RBFOX1: variants seen among roughly 807,000 people sequenced by gnomAD.
RBFOX1 encodes the protein RNA binding protein fox-1 homolog 1.
A neutral mutation model predicts 57.7 loss-of-function variants in RBFOX1; 8 were observed. The ratio of observed to expected loss-of-function variants is 0.14; its 90% CI spans 0.08 to 0.25. The LOEUF is 0.25. Among genes scored for constraint, RBFOX1 ranks in the 10% least tolerant of loss-of-function variants. The probability of loss-of-function intolerance (pLI) is 1.00; values close to 1 mark genes in which losing one functional copy is unlikely to be tolerated. For missense variants in RBFOX1, 611 were observed against 548.5 expected (o/e 1.11, Z -1.14); for synonymous variants, 326 against 222.4 (o/e 1.47, Z -4.15).
At chr16:6,534,600 G>T (rs1473084763) in intron 2 of RBFOX1, among the ~76,000 whole-genome samples, 1 of 152,008 alleles carries the variant, frequency 6.6e-6, no homozygotes, top group Non-Finnish European at 1.5e-5. Context: ...ATTGATACCC[G>T]GGTGATTTAC....
rs79021013 is a variant in RBFOX1 at position 6,765,433 on chromosome 16, C to G, written c.-16+110783C>G. 2.2e-3 allele frequency among the ~76,000 whole-genome samples: 329 copies of G among 152,192 alleles called. 12 individuals carry two copies. In the East Asian group the frequency reaches 0.049, roughly 23 times the overall value. On this transcript the variant is annotated intron_variant, in intron 3 of 15. Coordinates refer to ENST00000550418, the MANE Select transcript of RBFOX1 (RefSeq NM_018723.4). The stretch of plus-strand genomic sequence containing the variant: ...GGAAAAATAACTGTTGAGTATTAGA[C>G]TGAATACCTGGGCAATGAAATAATC...
chr16:7,710,805 T>G lies in RBFOX1; in HGVS notation c.*60T>G. The stretch of plus-strand genomic sequence containing the variant: ...GAAAGGAAGCTTTCCGAGGCCTGAG[T>G]ATTGCAATACATGCAGTAGTACATC... On this transcript the variant is annotated 3_prime_UTR_variant, in exon 16 of 16. Transcript: ENST00000550418. The G allele has an allele frequency of 7.1e-7, 1 of 1,406,544 alleles. No homozygotes were observed. The highest frequency in any genetic ancestry group is 1.5e-5 in the South Asian group (1 of 64,950). The allele number at this position is 1,406,544 out of a possible 1,614,324, so 87.1% of individuals were successfully genotyped here.
chr16:6,071,394 A>G (rs190228635), intron 1 of RBFOX1, among the ~76,000 whole-genome samples: 2 of 152,336 alleles, frequency 1.3e-5, no homozygotes, highest in African/African-American at 2.4e-5. Context: ...GAATTTTTAC[A>G]AAAGATATTT....
intron 4 of RBFOX1, among the ~76,000 whole-genome samples, chr16:7,365,442 T>C (rs889605073): frequency 2.6e-5 from 4 of 152,242 alleles, no homozygotes; most frequent in African/African-American, 9.6e-5. Context: ...TGAATTGCTG[T>C]ATTAAAATTC....
intron 3 of RBFOX1, among the ~76,000 whole-genome samples, chr16:6,672,220 T>C (rs1307290130): frequency 6.6e-6 from 1 of 152,216 alleles, no homozygotes; most frequent in Non-Finnish European, 1.5e-5. Flanking sequence ...CATTGAAATA[T>C]AATCATTTCT....
At chr16:5,764,344 A>G (rs751853255) in intron 3 of RBFOX1, among the ~76,000 whole-genome samples, 1 of 152,156 alleles carries the variant, frequency 6.6e-6, no homozygotes, top group Non-Finnish European at 1.5e-5. Context: ...GGTGGGGAGG[A>G]CAGGACTCCT....
chr16:5,294,902 C>T (rs2063624846), intron 1 of RBFOX1, among the ~76,000 whole-genome samples: 2 of 151,116 alleles, frequency 1.3e-5, no homozygotes, highest in African/African-American at 2.4e-5. Context: ...TGGTGGTGCA[C>T]GCCTTTGATC....
At chr16:6,426,219 T>G (rs2093923986) in intron 2 of RBFOX1, among the ~76,000 whole-genome samples, 1 of 151,746 alleles carries the variant, frequency 6.6e-6, no homozygotes, top group African/African-American at 2.4e-5. Flanking sequence ...CCTCTCCCTG[T>G]CTATGCAATA....
At chr16:7,084,092 A>G (rs893715210) in intron 4 of RBFOX1, among the ~76,000 whole-genome samples, 1 of 152,186 alleles carries the variant, frequency 6.6e-6, no homozygotes, top group South Asian at 2.1e-4. Context: ...TCTGCAAAGC[A>G]TGGGCAAATA....
chr16:6,139,082 T>G lies in RBFOX1; in HGVS notation c.-127+119090T>G, dbSNP rs539684167. Among the ~76,000 whole-genome samples, 6 of 152,274 alleles carry G rather than the reference T, an allele frequency of 3.9e-5. No individual in the cohort carries two copies. In the South Asian group the frequency reaches 1.2e-3, roughly 32 times the overall value. ...TTATTAGTGTTGTTTTTATTACCGC[T>G]ATTGTTATTGATAGCAGTTCTATAG... is the stretch of plus-strand genomic sequence containing the variant. On this transcript the variant is annotated intron_variant, in intron 1 of 15. Transcript: ENST00000550418.
chr16:5,473,400 G>GT (rs149955722), intron 2 of RBFOX1, among the ~76,000 whole-genome samples: 3,625 of 150,302 alleles, frequency 0.024, 144 homozygotes, highest in African/African-American at 0.081. Flanking sequence ...TACTTACCCT[G>GT]TTTTTTTTTC....
rs576435622 is a variant in RBFOX1 at position 7,120,802 on chromosome 16, T to A, written c.27+68704T>A. Among the ~76,000 whole-genome samples the A allele has an allele frequency of 6.0e-4, 85 of 142,832 alleles. 1 individual carries two copies. The highest frequency in any genetic ancestry group is 2.1e-3 in the African/African-American group (80 of 38,236). 93.7% of individuals were successfully genotyped at this position (142,832 alleles called of 152,430 possible). A position where few individuals can be genotyped will look rare whatever the true frequency, so the allele number is the denominator to read the frequency against. On this transcript the variant is annotated intron_variant, in intron 4 of 15. Transcript: ENST00000550418. ...CATTAATCTGATACGAAAACCAGGC[T>A]ATATGTAATATTTTATATATGTATA...
chr16:6,850,367 A>C (rs931415428), intron 3 of RBFOX1, among the ~76,000 whole-genome samples: 6 of 152,180 alleles, frequency 3.9e-5, no homozygotes, highest in Admixed American at 3.3e-4. Context: ...TAGTTGGGAG[A>C]GAACCCTACT....
At chr16:6,947,797 G>C (rs1029934430) in intron 3 of RBFOX1, among the ~76,000 whole-genome samples, 3 of 152,036 alleles carry the variant, frequency 2.0e-5, no homozygotes, top group African/African-American at 4.8e-5. Flanking sequence ...ATTTTTTGGA[G>C]ATGGAGTCTT....
intron 14 of RBFOX1, among the ~76,000 whole-genome samples, chr16:7,694,061 A>C (rs1207561024): frequency 6.6e-6 from 1 of 152,184 alleles, no homozygotes; most frequent in Non-Finnish European, 1.5e-5. Context: ...TTAAATTTGT[A>C]CTTTGATTAG....
chr16:7,225,551 G>A (rs188880218), intron 4 of RBFOX1, among the ~76,000 whole-genome samples: 13 of 151,690 alleles, frequency 8.6e-5, no homozygotes, highest in Non-Finnish European at 1.8e-4. Flanking sequence ...TGTCTTTATT[G>A]CATCATGAAA....
intron 1 of RBFOX1, among the ~76,000 whole-genome samples, chr16:6,310,674 C>G (rs529657376): frequency 4.6e-5 from 7 of 152,276 alleles, no homozygotes; most frequent in East Asian, 3.9e-4. Context: ...AACTATTTGT[C>G]AAACTGTACT....
At chr16:6,035,203 G>C (rs940004680) in intron 1 of RBFOX1, among the ~76,000 whole-genome samples, 1 of 152,152 alleles carries the variant, frequency 6.6e-6, no homozygotes, top group Non-Finnish European at 1.5e-5. Flanking sequence ...CACTAACTCA[G>C]ACAAAGAGCA....
At chr16:5,658,832 GTA>G (rs1297807980) in intron 3 of RBFOX1, among the ~76,000 whole-genome samples, 4 of 145,382 alleles carry the variant, frequency 2.8e-5, no homozygotes, top group Non-Finnish European at 3.0e-5. Flanking sequence ...ATGTATATAT[GTA>G]TATATATAAT....
Sources: gnomAD v4.1 joint callset for allele counts (sites outside exome capture counted in the v4.1 genomes callset) on GRCh38, gnomAD v4.1.1 for gene constraint, MANE v1.5 for transcripts, NCBI Gene and HGNC (gene_info 2026-07-23, HGNC 2026-07-21) for gene names.